Variants in PPP1R37 observed in about 807,000 individuals in gnomAD.
The protein encoded by PPP1R37 is leucine rich repeat containing 68.
PPP1R37 carries 21 observed loss-of-function variants against 61.0 expected under a neutral mutation model. The observed-to-expected ratio is 0.34, with a 90% CI of 0.24 to 0.50. PPP1R37 has a LOEUF of 0.50. Among genes scored for constraint, PPP1R37 ranks in the 20% least tolerant of loss-of-function variants. The pLI is 0.98. For missense variants in PPP1R37, 910 were observed against 952.7 expected, an observed-to-expected ratio of 0.96 and a Z score of 0.59; for synonymous variants, 443 against 433.5, an observed-to-expected ratio of 1.02 and a Z score of -0.27.
intron 1 of PPP1R37, among the ~76,000 whole-genome samples, chr19:45,122,240 C>T (rs1052342181): frequency 2.0e-5 from 3 of 152,188 alleles, no homozygotes; most frequent in Non-Finnish European, 4.4e-5. Flanking sequence ...GTGACCTCAT[C>T]ACGTGCACAC....
intron 1 of PPP1R37, among the ~76,000 whole-genome samples, chr19:45,112,693 G>C (rs1968216800): frequency 6.6e-6 from 1 of 152,154 alleles, no homozygotes; most frequent in African/African-American, 2.4e-5. Context: ...TACCTACTCT[G>C]GCTTGTCACT....
chr19:45,102,579 G>C (rs755908786), intron 1 of PPP1R37, among the ~76,000 whole-genome samples: 1 of 152,230 alleles, frequency 6.6e-6, no homozygotes, highest in Non-Finnish European at 1.5e-5. Flanking sequence ...TCCCCCGGCT[G>C]TAAGGGTTAG....
At position 45,116,607 on chromosome 19, in the gene PPP1R37, G is replaced by A. The variant is rs147886649; in HGVS notation, c.203-21907G>A. 4.4e-3 allele frequency among the ~76,000 whole-genome samples: 664 copies of A among 152,346 alleles called. 6 individuals carry two copies. The highest frequency in any genetic ancestry group is 0.015 in the African/African-American group (609 of 41,592). ...CCTGAGCAGGCTAACTTTCCAGGACGCATTGCGGGCTCCCTTCCCTCCAGC... is the reference window on the plus strand; with the variant it reads ...CCTGAGCAGGCTAACTTTCCAGGACACATTGCGGGCTCCCTTCCCTCCAGC... On this transcript the variant is annotated intron_variant, in intron 1 of 12. Transcript: ENST00000221462.
intron 1 of PPP1R37, among the ~76,000 whole-genome samples, chr19:45,106,653 A>G (rs929192338): frequency 1.3e-5 from 2 of 152,068 alleles, no homozygotes; most frequent in African/African-American, 4.8e-5. Context: ...CTCTTGCCTC[A>G]GCCTCCAGAT....
In PPP1R37 at chr19:45,129,921, G is replaced by C. The variant is rs187310389; in HGVS notation, c.203-8593G>C. Among the ~76,000 whole-genome samples, 619 of 152,328 alleles carry C rather than the reference G, an allele frequency of 4.1e-3. 4 individuals carry two copies. Among genetic ancestry groups the C allele is most frequent in the African/African-American group, 0.014 (594 of 41,570 alleles). On this transcript the variant is annotated intron_variant, in intron 1 of 12. Transcript: ENST00000221462. ...TTTAATATGGAAAAAAACAATAATA[G>C]TCGAGGCAGACCTGGGCCTTTTAGT...
At position 45,141,338 on chromosome 19, in the gene PPP1R37, T is replaced by G. The variant is rs760901850; in HGVS notation, c.464T>G (p.Phe155Cys). Residue 155 changes from phenylalanine (F) to cysteine (C), a missense_variant, in exon 5 of 13, where the codon TTC (phenylalanine) becomes TGC (cysteine). By Grantham distance (205) the Phe-to-Cys change is radical. Coordinates refer to ENST00000221462, the MANE Select transcript of PPP1R37 (RefSeq NM_019121.2). Reference sequence around the variant, plus strand: ...TATGCGCAGGGTGCCTCGGCCCTCTTCGACATGATCGAGTACTACGAGTCG... The same window carrying G: ...TATGCGCAGGGTGCCTCGGCCCTCTGCGACATGATCGAGTACTACGAGTCG... ...NLDEDGASALFDMIEYYESAT... is the reference protein window; with the variant it reads ...NLDEDGASALCDMIEYYESAT... 1.1e-5 allele frequency: 17 copies of G among 1,535,812 alleles called. No individual in the cohort carries two copies. Among genetic ancestry groups the G allele is most frequent in the Middle Eastern group, 1.7e-4 (1 of 5,986 alleles).
At chr19:45,110,661 A>G (rs373003931) in intron 1 of PPP1R37, among the ~76,000 whole-genome samples, 50 of 152,276 alleles carry the variant, frequency 3.3e-4, no homozygotes, top group African/African-American at 1.2e-3. Context: ...TGCATAAAGA[A>G]TGAATGAATG....
At position 45,144,982 on chromosome 19, in the gene PPP1R37, G is replaced by C. The variant is rs1968667656; in HGVS notation, c.1116G>C (p.Lys372Asn). 3.9e-6 allele frequency: 6 copies of C among 1,534,754 alleles called. No homozygotes were observed. The highest frequency in any genetic ancestry group is 5.2e-6 in the Non-Finnish European group (6 of 1,146,386). Residue 372 changes from lysine to asparagine, a missense_variant, in exon 9 of 13, where the codon AAG (lysine) becomes AAC (asparagine). This residue lies in a region of PPP1R37 where 549 missense variants were observed against 505.1 expected (regional missense o/e 1.09). Transcript: ENST00000221462. ...TGCGCCTCGGGCTGGCCTCCACCAA[G>C]CTCACGTGCGAGGGTAGGGTACGGG... ...SVLRLGLASTKLTCEGAVAVA... is the reference protein window; with the variant it reads ...SVLRLGLASTNLTCEGAVAVA...
At chr19:45,124,840 G>A (rs1015759671) in intron 1 of PPP1R37, among the ~76,000 whole-genome samples, 7 of 152,058 alleles carry the variant, frequency 4.6e-5, no homozygotes, top group Non-Finnish European at 1.0e-4. Flanking sequence ...GCATGGTAGG[G>A]TGTGCCTGTA....
chr19:45,138,402 G>A (rs1968565344), intron 1 of PPP1R37, 112 bp from the exon 2 acceptor site: 1 of 701,738 alleles, frequency 1.4e-6, no homozygotes, highest in Non-Finnish European at 2.4e-6. Context: ...CTGTTGTTGG[G>A]GGAGGGCTGA....
intron 1 of PPP1R37, among the ~76,000 whole-genome samples, chr19:45,095,753 G>T (rs1288067156): frequency 7.2e-6 from 1 of 138,440 alleles, no homozygotes; most frequent in African/African-American, 2.8e-5. Context: ...ACAGAGACCC[G>T]GTCTTAAAAA....
chr19:45,119,610 C>T (rs1349549069), intron 1 of PPP1R37, among the ~76,000 whole-genome samples: 1 of 152,218 alleles, frequency 6.6e-6, no homozygotes, highest in African/African-American at 2.4e-5. Context: ...TATTTTGCAG[C>T]AGCTCTAAGA....
chr19:45,115,990 G>C (rs1293526589), intron 1 of PPP1R37, among the ~76,000 whole-genome samples: 1 of 149,048 alleles, frequency 6.7e-6, no homozygotes, highest in Admixed American at 6.7e-5. Context: ...AAAAAAAAAA[G>C]TTGTGTGTCA....
chr19:45,146,172 A>T (rs975934234), intron 11 of PPP1R37, 123 bp downstream of exon 11: 2 of 1,148,400 alleles, frequency 1.7e-6, no homozygotes, highest in Admixed American at 5.6e-5. Context: ...AGGGGCCAGC[A>T]AAGTGGGGCT....
At chr19:45,100,707 T>C (rs2122708273) in intron 1 of PPP1R37, among the ~76,000 whole-genome samples, 1 of 152,292 alleles carries the variant, frequency 6.6e-6, no homozygotes, top group South Asian at 2.1e-4. Context: ...CAGAATCGTT[T>C]ATAAAATAGA....
intron 1 of PPP1R37, among the ~76,000 whole-genome samples, chr19:45,124,340 G>A (rs911570607): frequency 2.0e-5 from 3 of 152,240 alleles, no homozygotes; most frequent in Non-Finnish European, 4.4e-5. Context: ...TTCGGGGGAC[G>A]GGAAGAATTT....
chr19:45,098,574 G>A (rs1968023159), intron 1 of PPP1R37, among the ~76,000 whole-genome samples: 1 of 152,176 alleles, frequency 6.6e-6, no homozygotes, highest in Non-Finnish European at 1.5e-5. Flanking sequence ...TGTCTGCAGG[G>A]CAGGGTGAGG....
intron 8 of PPP1R37, 128 bp from the exon 9 acceptor site, chr19:45,144,726 C>G (rs1968661333): frequency 1.3e-6 from 1 of 775,826 alleles, no homozygotes; most frequent in Non-Finnish European, 2.0e-6. Flanking sequence ...CGCCGGTGTT[C>G]ACGCAGGCGC....
intron 1 of PPP1R37, among the ~76,000 whole-genome samples, chr19:45,104,014 G>A (rs796204139): frequency 6.6e-5 from 10 of 152,178 alleles, no homozygotes; most frequent in African/African-American, 2.2e-4. Flanking sequence ...AGGCGCCTCT[G>A]CCTAGCACGC....
Sources: gnomAD v4.1 joint callset for allele counts (sites outside exome capture counted in the v4.1 genomes callset) on GRCh38, gnomAD v4.1.1 for gene constraint, gnomAD v4.1.1 regional missense constraint, MANE v1.5 for transcripts, NCBI Gene and HGNC (gene_info 2026-07-23, HGNC 2026-07-21) for gene names.